Variants in DRC11 observed in about 807,000 individuals in gnomAD.
The protein encoded by DRC11 is IQ and AAA domain-containing protein 1.
At chr2:236,358,777 A>C in the DRC11 span, among the ~76,000 whole-genome samples, 1 of 149,358 alleles carries the variant, frequency 6.7e-6, no homozygotes, top group Non-Finnish European at 1.5e-5. Flanking sequence ...ATGTCAACAA[A>C]AATGCAAGAG....
chr2:236,315,019 T>TA, the DRC11 span, among the ~76,000 whole-genome samples: 2 of 152,236 alleles, frequency 1.3e-5, no homozygotes, highest in Admixed American at 6.5e-5. This position sits in a 1 kb window ranked among gnomAD's most constrained non-coding sequence, Gnocchi z 5.1. Context: ...TGGGATGACT[T>TA]ACTCTATGGA....
the DRC11 span, among the ~76,000 whole-genome samples, chr2:236,422,008 C>T: frequency 6.6e-6 from 1 of 152,192 alleles, no homozygotes; most frequent in Non-Finnish European, 1.5e-5. Flanking sequence ...AATTCAATAA[C>T]ACTCATGCTA....
At chr2:236,503,633 G>T in the DRC11 span, 2 of 1,550,632 alleles carry the variant, frequency 1.3e-6, no homozygotes. The surrounding 1 kb of genome is among the most constrained non-coding windows in gnomAD (Gnocchi z 4.9). Context: ...ATCATTACCT[G>T]TTTTCCTCAG....
At chr2:236,502,548 C>CAAAAAAAAAAAAAAAAAAAAAAAAA in the DRC11 span, among the ~76,000 whole-genome samples, 4 of 15,092 alleles carry the variant, frequency 2.7e-4, no homozygotes, top group African/African-American at 4.2e-4. Flanking sequence ...TGCACTCCAG[C>CAAAAAAAAAAAAAAAAAAAAAAAAA]AAAAAAAAAA....
chr2:236,309,724 C>T, the DRC11 span, among the ~76,000 whole-genome samples: 1 of 152,206 alleles, frequency 6.6e-6, no homozygotes, highest in South Asian at 2.1e-4. This position sits in a 1 kb window ranked among gnomAD's most constrained non-coding sequence, Gnocchi z 5.7. Context: ...GAGAGCAGTG[C>T]TTGCAAGTCT....
the DRC11 span, among the ~76,000 whole-genome samples, chr2:236,417,089 C>G: frequency 6.7e-6 from 1 of 149,722 alleles, no homozygotes; most frequent in South Asian, 2.1e-4. Context: ...AGGCTGGTCT[C>G]GAACTCCTGA....
At chr2:236,506,929 A>G in the DRC11 span, among the ~76,000 whole-genome samples, 1 of 152,232 alleles carries the variant, frequency 6.6e-6, no homozygotes, top group East Asian at 1.9e-4. The surrounding 1 kb of genome is among the most constrained non-coding windows in gnomAD (Gnocchi z 4.9). Context: ...TAACAAAAAA[A>G]GCAGACAAAA....
At chr2:236,496,018 G>T in the DRC11 span, among the ~76,000 whole-genome samples, 1 of 152,116 alleles carries the variant, frequency 6.6e-6, no homozygotes, top group Non-Finnish European at 1.5e-5. This position sits in a 1 kb window ranked among gnomAD's most constrained non-coding sequence, Gnocchi z 6.3. Flanking sequence ...AACAACAGGG[G>T]CATGACTTCC....
chr2:236,446,902 C>T, the DRC11 span, among the ~76,000 whole-genome samples: 3 of 151,892 alleles, frequency 2.0e-5, no homozygotes, highest in African/African-American at 4.9e-5. The surrounding 1 kb of genome is among the most constrained non-coding windows in gnomAD (Gnocchi z 6.2). Flanking sequence ...CCCCTGACTG[C>T]GGCTGCTGGG....
At chr2:236,337,144 C>T in the DRC11 span, among the ~76,000 whole-genome samples, 1,531 of 152,254 alleles carry the variant, frequency 0.01, 30 homozygotes, top group African/African-American at 0.035. This position sits in a 1 kb window ranked among gnomAD's most constrained non-coding sequence, Gnocchi z 4.9. Context: ...TGTCCAGTCT[C>T]CAGACGAAGG....
At chr2:236,434,182 A>G in the DRC11 span, among the ~76,000 whole-genome samples, 39 of 152,336 alleles carry the variant, frequency 2.6e-4, no homozygotes, top group East Asian at 6.6e-3. The surrounding 1 kb of genome is among the most constrained non-coding windows in gnomAD (Gnocchi z 5.5). Context: ...GTTTGTGTTA[A>G]TACTCATAAG....
chr2:236,502,788 C>T, the DRC11 span, among the ~76,000 whole-genome samples: 2 of 151,620 alleles, frequency 1.3e-5, no homozygotes, highest in Non-Finnish European at 2.9e-5. Flanking sequence ...AACCCTGTCT[C>T]TACTAAAATC....
the DRC11 span, among the ~76,000 whole-genome samples, chr2:236,442,830 C>T: frequency 6.6e-6 from 1 of 152,150 alleles, no homozygotes; most frequent in East Asian, 1.9e-4. Context: ...TCAAATTTTA[C>T]CATTGGCAAC....
chr2:236,365,444 C>A, the DRC11 span, among the ~76,000 whole-genome samples: 2 of 151,950 alleles, frequency 1.3e-5, no homozygotes, highest in African/African-American at 4.8e-5. This position sits in a 1 kb window ranked among gnomAD's most constrained non-coding sequence, Gnocchi z 7.4. Context: ...GGAAGCCAGG[C>A]TGGCACAGGG....
At chr2:236,350,857 C>A in the DRC11 span, among the ~76,000 whole-genome samples, 3 of 152,272 alleles carry the variant, frequency 2.0e-5, no homozygotes, top group East Asian at 5.8e-4. The surrounding 1 kb of genome is among the most constrained non-coding windows in gnomAD (Gnocchi z 5.2). Flanking sequence ...AGCTGAGGGG[C>A]CTGCTGGTCA....
chr2:236,316,145 T>TTCTCTCTCTCTCTCTC, the DRC11 span, among the ~76,000 whole-genome samples: 527 of 146,194 alleles, frequency 3.6e-3, 5 homozygotes, highest in African/African-American at 9.7e-3. The surrounding 1 kb of genome is among the most constrained non-coding windows in gnomAD (Gnocchi z 6.8). Flanking sequence ...ACTTATTTTC[T>TTCTCTCTCTCTCTCTC]TCTCTCTCTC....
At chr2:236,399,529 C>G in the DRC11 span, 1 of 1,534,148 alleles carries the variant, frequency 6.5e-7, no homozygotes, top group Non-Finnish European at 9.0e-7. The surrounding 1 kb of genome is among the most constrained non-coding windows in gnomAD (Gnocchi z 7.0). Flanking sequence ...CAGGCAAGAC[C>G]GGGCAGCAAA....
the DRC11 span, among the ~76,000 whole-genome samples, chr2:236,318,667 G>A: frequency 1.3e-5 from 2 of 152,030 alleles, no homozygotes; most frequent in African/African-American, 4.8e-5. This position sits in a 1 kb window ranked among gnomAD's most constrained non-coding sequence, Gnocchi z 7.0. Flanking sequence ...TTTGTGTAGT[G>A]TGTACAGATC....
the DRC11 span, among the ~76,000 whole-genome samples, chr2:236,426,232 T>C: frequency 6.6e-6 from 1 of 152,050 alleles, no homozygotes; most frequent in East Asian, 1.9e-4. This position sits in a 1 kb window ranked among gnomAD's most constrained non-coding sequence, Gnocchi z 4.1. Context: ...GGTAATATGT[T>C]CATTTTTACA....
Sources: allele counts gnomAD v4.1 joint callset (sites outside exome capture counted in the v4.1 genomes callset), GRCh38; gene constraint gnomAD v4.1.1; non-coding constraint Gnocchi (gnomAD v3.1); transcripts MANE v1.5; gene names NCBI Gene and HGNC (gene_info 2026-07-23, HGNC 2026-07-21).